The following CDK19 variants were observed in gnomAD, a reference collection of about 807,000 sequenced individuals.
CDK19 encodes cyclin dependent kinase 19.
In CDK19, 20 loss-of-function variants were observed where a neutral mutation model predicts 68.3. The ratio of observed to expected loss-of-function variants is 0.29; its 90% CI spans 0.21 to 0.43. CDK19 has a LOEUF of 0.43. Among genes scored for constraint, CDK19 ranks in the 20% least tolerant of loss-of-function variants. CDK19 has a pLI of 1.00. For missense variants in CDK19, 339 were observed against 623.5 expected, an observed-to-expected ratio of 0.54 and a Z score of 4.86; for synonymous variants, 221 against 222.8, an observed-to-expected ratio of 0.99 and a Z score of 0.07.
intron 4 of CDK19, chr6:110,646,049 C>T: frequency 1.1e-6 from 1 of 902,852 alleles, no homozygotes; most frequent in Admixed American, 2.0e-5. Context: ...ACGAAGCTAT[C>T]CCTTTGTTGC....
chr6:110,646,170 G>A (rs1477918940), intron 4 of CDK19: 7 of 1,130,706 alleles, frequency 6.2e-6, no homozygotes, highest in Admixed American at 2.2e-5. Context: ...GCGCGCCACC[G>A]GCCACCAGAG....
At chr6:110,632,639 G>A (rs1471201434) in intron 5 of CDK19, among the ~76,000 whole-genome samples, 1 of 152,064 alleles carries the variant, frequency 6.6e-6, no homozygotes, top group Non-Finnish European at 1.5e-5. Context: ...GCTGAGGCAG[G>A]AGAATCGCTT....
At chr6:110,651,613 T>C (rs1270893513) in intron 4 of CDK19, among the ~76,000 whole-genome samples, 1 of 152,186 alleles carries the variant, frequency 6.6e-6, no homozygotes, top group East Asian at 1.9e-4. Context: ...ACTAGTATTT[T>C]AATATTTTTA....
chr6:110,678,943 G>C (rs1771761991), intron 2 of CDK19, among the ~76,000 whole-genome samples: 2 of 152,152 alleles, frequency 1.3e-5, no homozygotes, highest in South Asian at 4.1e-4. Context: ...CAATATTCCT[G>C]ATCTGTACAC....
At chr6:110,708,678 A>C (rs868619999) in intron 2 of CDK19, among the ~76,000 whole-genome samples, 1 of 152,158 alleles carries the variant, frequency 6.6e-6, no homozygotes. Flanking sequence ...CTTCAACATG[A>C]CACTGTGAGT....
Position 110,610,485 on chromosome 6 carries a change from T to A in CDK19, c.*4050A>T, listed in dbSNP as rs1480774890. 1 of 152,556 alleles carries A rather than the reference T, an allele frequency of 6.6e-6. No homozygotes were observed. Among genetic ancestry groups the A allele is most frequent in the Non-Finnish European group, 1.5e-5 (1 of 68,018 alleles). The allele number at this position is 152,556 out of a possible 1,614,324, so 9.5% of individuals were successfully genotyped here. On this transcript the variant is annotated 3_prime_UTR_variant, in exon 13 of 13. Transcript: ENST00000368911. The stretch of plus-strand genomic sequence containing the variant: ...AGATAACAGTGCATTAAGGGTTTTT[T>A]TTTTTATATAATACATACATATCAC...
At chr6:110,749,620 A>G (rs549235618) in intron 1 of CDK19, among the ~76,000 whole-genome samples, 59 of 152,086 alleles carry the variant, frequency 3.9e-4, no homozygotes, top group Admixed American at 1.1e-3. Flanking sequence ...TCAGCCTCCC[A>G]AAGTTCTAGG....
At chr6:110,809,387 C>T (rs543232005) in intron 1 of CDK19, among the ~76,000 whole-genome samples, 7 of 152,042 alleles carry the variant, frequency 4.6e-5, no homozygotes, top group East Asian at 1.9e-4. Flanking sequence ...TTAGCCAGCA[C>T]GTGCATCTGT....
At chr6:110,801,285 G>A (rs925193368) in intron 1 of CDK19, among the ~76,000 whole-genome samples, 10 of 152,052 alleles carry the variant, frequency 6.6e-5, no homozygotes, top group Non-Finnish European at 1.0e-4. Context: ...AGGAGTTCAA[G>A]ACCAGCTTTG....
At chr6:110,759,739 AATC>A (rs943849096) in intron 1 of CDK19, among the ~76,000 whole-genome samples, 1 of 152,076 alleles carries the variant, frequency 6.6e-6, no homozygotes, top group Non-Finnish European at 1.5e-5. Context: ...CTTGTATAAT[AATC>A]ATTTTCTTTT....
chr6:110,634,209 G>A (rs772802638), intron 5 of CDK19, among the ~76,000 whole-genome samples: 4 of 151,762 alleles, frequency 2.6e-5, no homozygotes, highest in African/African-American at 9.7e-5. Flanking sequence ...TAGAAATTTC[G>A]GGTCTTTGTC....
At chr6:110,786,655 A>C (rs1781245882) in intron 1 of CDK19, among the ~76,000 whole-genome samples, 1 of 152,030 alleles carries the variant, frequency 6.6e-6, no homozygotes, top group African/African-American at 2.4e-5. Flanking sequence ...TAAATTAGAA[A>C]TGTGTTTGGG....
At chr6:110,651,944 G>A (rs1780998074) in intron 4 of CDK19, among the ~76,000 whole-genome samples, 1 of 152,042 alleles carries the variant, frequency 6.6e-6, no homozygotes, top group Non-Finnish European at 1.5e-5. Context: ...AATAAAGGGA[G>A]TTGAAGGAAC....
rs975701753 is a variant in CDK19, at chr6:110,613,803, T to C, written c.*732A>G. The C allele has an allele frequency of 1.3e-5, 2 of 152,646 alleles. No homozygotes were observed. The highest frequency in any genetic ancestry group is 4.8e-5 in the African/African-American group (2 of 41,450). 9.5% of individuals were successfully genotyped at this position (152,646 alleles called of 1,614,324 possible). On this transcript the variant is annotated 3_prime_UTR_variant, in exon 13 of 13. Transcript: ENST00000368911. ...GTAATTCTTAATTACTGAATGCTATTCAGAATAAGATGATGCTGGGAACTC... is the reference window on the plus strand; with the variant it reads ...GTAATTCTTAATTACTGAATGCTATCCAGAATAAGATGATGCTGGGAACTC...
intron 2 of CDK19, among the ~76,000 whole-genome samples, chr6:110,688,622 C>G: frequency 6.6e-6 from 1 of 152,180 alleles, no homozygotes; most frequent in East Asian, 1.9e-4. Flanking sequence ...ACATCCCCAC[C>G]AGGGAACCTG....
intron 5 of CDK19, among the ~76,000 whole-genome samples, chr6:110,634,632 C>A (rs1779648541): frequency 6.6e-6 from 1 of 152,220 alleles, no homozygotes; most frequent in South Asian, 2.1e-4. Context: ...GTGCTGATAC[C>A]TACTCTTTTT....
intron 2 of CDK19, among the ~76,000 whole-genome samples, chr6:110,735,322 A>C (rs984125778): frequency 6.6e-6 from 1 of 152,144 alleles, no homozygotes; most frequent in Admixed American, 6.5e-5. Context: ...ACAAAAAAAA[A>C]CTTTATCAAA....
chr6:110,618,457 A>G (rs1778489225), intron 12 of CDK19, among the ~76,000 whole-genome samples: 1 of 151,602 alleles, frequency 6.6e-6, no homozygotes, highest in African/African-American at 2.4e-5. Flanking sequence ...GTATACCCAC[A>G]CTCCCCTTTC....
chr6:110,719,326 A>C (rs994554473), intron 2 of CDK19, among the ~76,000 whole-genome samples: 2 of 152,168 alleles, frequency 1.3e-5, no homozygotes, highest in Non-Finnish European at 2.9e-5. Context: ...TCTACAAAAA[A>C]TTTTAAAAAC....
Sources: gnomAD v4.1 joint callset for allele counts (sites outside exome capture counted in the v4.1 genomes callset) on GRCh38, gnomAD v4.1.1 for gene constraint, MANE v1.5 for transcripts, NCBI Gene and HGNC (gene_info 2026-07-23, HGNC 2026-07-21) for gene names.